Variants in UHRF2 observed in about 807,000 individuals in gnomAD.
UHRF2 encodes the protein E3 ubiquitin-protein ligase UHRF2.
In UHRF2, 23 loss-of-function variants were observed where a neutral mutation model predicts 96.8. The ratio of observed to expected loss-of-function variants is 0.24; its 90% CI spans 0.17 to 0.34. The LOEUF (loss-of-function observed/expected upper bound fraction) is 0.34. Ranked by LOEUF, UHRF2 falls within the 10% of genes least tolerant of loss-of-function variation. UHRF2 has a pLI of 1.00. For missense variants in UHRF2, 685 were observed against 981.5 expected (o/e 0.70, Z 4.04); for synonymous variants, 385 against 332.6 (o/e 1.16, Z -1.72).
intron 6 of UHRF2, among the ~76,000 whole-genome samples, chr9:6,478,687 T>G (rs1410807550): frequency 6.6e-6 from 1 of 152,216 alleles, no homozygotes. Context: ...GACGGACGAC[T>G]GAGTCAGAAA....
At chr9:6,431,173 T>C (rs1214538161) in intron 2 of UHRF2, among the ~76,000 whole-genome samples, 1 of 152,242 alleles carries the variant, frequency 6.6e-6, no homozygotes, top group Non-Finnish European at 1.5e-5. Flanking sequence ...ATTCAAATTT[T>C]GCTTGACTTA....
chr9:6,440,780 T>G (rs959667832), intron 3 of UHRF2, among the ~76,000 whole-genome samples: 6 of 152,206 alleles, frequency 3.9e-5, no homozygotes, highest in Non-Finnish European at 8.8e-5. Context: ...TAGACTAGTG[T>G]TCCTCAACCC....
chr9:6,459,262 A>C (rs899570328), intron 3 of UHRF2, among the ~76,000 whole-genome samples: 2 of 152,248 alleles, frequency 1.3e-5, no homozygotes, highest in African/African-American at 4.8e-5. Flanking sequence ...TTTCAGGGAA[A>C]ATGGAGACTA....
intron 1 of UHRF2, among the ~76,000 whole-genome samples, chr9:6,420,564 G>T (rs1563740012): frequency 6.6e-6 from 1 of 151,894 alleles, no homozygotes; most frequent in South Asian, 2.1e-4. Context: ...AATTAGCCGG[G>T]CATGATGACG....
At chr9:6,452,346 T>G (rs1345234139) in intron 3 of UHRF2, among the ~76,000 whole-genome samples, 2 of 152,210 alleles carry the variant, frequency 1.3e-5, no homozygotes, top group Non-Finnish European at 2.9e-5. Flanking sequence ...GTATAGACAG[T>G]GTTTCTGGTA....
At chr9:6,440,832 A>G (rs1821118795) in intron 3 of UHRF2, among the ~76,000 whole-genome samples, 1 of 152,340 alleles carries the variant, frequency 6.6e-6, no homozygotes, top group East Asian at 1.9e-4. Context: ...TAATCGGTGC[A>G]TGAGACCTCT....
rs1339593957 is a variant in UHRF2 at position 6,421,150 on chromosome 9, G to A, written c.384+8G>A. 2 of 1,583,110 alleles carry A rather than the reference G, an allele frequency of 1.3e-6. No homozygotes were observed. The highest frequency in any genetic ancestry group is 2.2e-5 in the South Asian group (2 of 89,828). ...GGCTTTGGAATATATAAGGTATGTT[G>A]TTTTCTTCAGACTTACTGTTGTGAG... is the stretch of plus-strand genomic sequence containing the variant. On this transcript the variant is annotated splice_region_variant and intron_variant, in intron 2 of 15. Coordinates refer to ENST00000276893, the MANE Select transcript of UHRF2 (RefSeq NM_152896.3).
chr9:6,431,197 A>G (rs200388182), intron 2 of UHRF2, among the ~76,000 whole-genome samples: 14 of 152,176 alleles, frequency 9.2e-5, no homozygotes, highest in South Asian at 4.1e-4. Context: ...TGTCTATCCA[A>G]TGTGCAGAAA....
intron 4 of UHRF2, among the ~76,000 whole-genome samples, chr9:6,462,200 T>C (rs1822585349): frequency 6.6e-6 from 1 of 152,206 alleles, no homozygotes; most frequent in Non-Finnish European, 1.5e-5. Context: ...TTATGTATTA[T>C]CTGTGGCTAT....
At chr9:6,426,010 G>A (rs1162776094) in intron 2 of UHRF2, among the ~76,000 whole-genome samples, 1 of 152,190 alleles carries the variant, frequency 6.6e-6, no homozygotes, top group East Asian at 1.9e-4. Context: ...GGCATTGACA[G>A]GATGGATTTG....
chr9:6,458,374 C>T (rs1185462089), intron 3 of UHRF2, among the ~76,000 whole-genome samples: 3 of 150,800 alleles, frequency 2.0e-5, no homozygotes, highest in African/African-American at 7.3e-5. Context: ...CTATTTGGTT[C>T]TTCTCTCTTT....
chr9:6,461,961 C>G (rs986368840), intron 4 of UHRF2, among the ~76,000 whole-genome samples: 6 of 150,208 alleles, frequency 4.0e-5, no homozygotes, highest in African/African-American at 1.5e-4. Context: ...TATTGAGTGC[C>G]GAGGGTTTTA....
chr9:6,427,664 G>T (rs1345863041), intron 2 of UHRF2, among the ~76,000 whole-genome samples: 2 of 152,210 alleles, frequency 1.3e-5, no homozygotes, highest in African/African-American at 4.8e-5. Flanking sequence ...CTGCCTGGGT[G>T]ACAGAGCAAG....
At chr9:6,453,458 C>T (rs746312647) in intron 3 of UHRF2, among the ~76,000 whole-genome samples, 6 of 152,134 alleles carry the variant, frequency 3.9e-5, no homozygotes, top group African/African-American at 4.8e-5. Flanking sequence ...TTCTGTCTTA[C>T]ATGGACTTAA....
At chr9:6,438,406 C>G (rs1383009269) in intron 3 of UHRF2, among the ~76,000 whole-genome samples, 2 of 152,232 alleles carry the variant, frequency 1.3e-5, no homozygotes, top group Non-Finnish European at 1.5e-5. Context: ...CAGTGTCTCT[C>G]AAAGTCACAT....
At chr9:6,485,897 A>C (rs904812850) in intron 8 of UHRF2, among the ~76,000 whole-genome samples, 1 of 151,782 alleles carries the variant, frequency 6.6e-6, no homozygotes, top group Non-Finnish European at 1.5e-5. Context: ...TTTGAAGTTC[A>C]CAAAGAAGTG....
intron 6 of UHRF2, among the ~76,000 whole-genome samples, chr9:6,480,885 T>G (rs769478447): frequency 3.9e-5 from 6 of 152,204 alleles, no homozygotes; most frequent in Non-Finnish European, 8.8e-5. Context: ...GGGCATAGTC[T>G]TCTTTGCTCT....
intron 8 of UHRF2, 45 bp downstream of exon 8, chr9:6,482,144 C>G: frequency 7.0e-7 from 1 of 1,434,692 alleles, no homozygotes; most frequent in Non-Finnish European, 9.8e-7. Flanking sequence ...AATTGGCTAT[C>G]AGATTATAGC....
At chr9:6,492,434 T>G in intron 9 of UHRF2, 1 of 892,438 alleles carries the variant, frequency 1.1e-6, no homozygotes, top group Non-Finnish European at 1.4e-6. Flanking sequence ...TCTCATAGAA[T>G]ACATACTAAA....
Sources: gnomAD v4.1 joint callset for allele counts (sites outside exome capture counted in the v4.1 genomes callset) on GRCh38, gnomAD v4.1.1 for gene constraint, MANE v1.5 for transcripts, NCBI Gene and HGNC (gene_info 2026-07-23, HGNC 2026-07-21) for gene names.